The following FLT1 variants were observed in gnomAD, a reference collection of about 807,000 sequenced individuals.
FLT1 encodes fms related receptor tyrosine kinase 1.
A neutral mutation model predicts 156.3 loss-of-function variants in FLT1; 49 were observed. The ratio of observed to expected loss-of-function variants is 0.31; its 90% CI spans 0.25 to 0.40. The LOEUF (loss-of-function observed/expected upper bound fraction) is 0.40, where lower values mean the gene tolerates loss of function less well. Ranked by LOEUF, FLT1 falls within the 10% of genes least tolerant of loss-of-function variation. The pLI, the probability that FLT1 is intolerant of heterozygous loss-of-function variation, is 1.00. For synonymous variants in FLT1, 594 were observed against 583.8 expected, an observed-to-expected ratio of 1.02 and a Z score of -0.25; for missense variants, 1,322 against 1,637.2, an observed-to-expected ratio of 0.81 and a Z score of 3.32.
At chr13:28,376,264 TAAG>T (rs1490004888) in intron 14 of FLT1, among the ~76,000 whole-genome samples, 1 of 152,240 alleles carries the variant, frequency 6.6e-6, no homozygotes, top group African/African-American at 2.4e-5. Context: ...AGATTTCATT[TAAG>T]AAGGAGTATT....
chr13:28,412,395 T>TCTTTCCTTCTTTCTTC, intron 10 of FLT1, among the ~76,000 whole-genome samples: 1 of 148,100 alleles, frequency 6.8e-6, no homozygotes. Context: ...TTTCTTTCTT[T>TCTTTCCTTCTTTCTTC]CTTTCTTTCT....
intron 4 of FLT1, among the ~76,000 whole-genome samples, chr13:28,436,829 G>A (rs1378514572): frequency 6.6e-6 from 1 of 152,148 alleles, no homozygotes; most frequent in Non-Finnish European, 1.5e-5. Flanking sequence ...CCTGACTTAA[G>A]TTTTCTAACA....
Position 28,405,821 on chromosome 13 carries a change from T to C in FLT1, c.1510A>G (p.Ser504Gly). ...ADSNMGNRIE[S>G]ITQRMAIIEG... ...ATTATTGCCATGCGCTGAGTGATGC[T>C]CTCAATTCTGTTTCCCATGTTGCTG... Residue 504 changes from serine to glycine, a missense_variant, in exon 11 of 30, where the codon AGC becomes GGC. Around this residue, in one of 3 missense-constraint regions of FLT1, gnomAD observed 991 missense variants for 1,254.8 expected, o/e 0.79. Coordinates refer to ENST00000282397, the MANE Select transcript of FLT1 (RefSeq NM_002019.4). 2.5e-6 allele frequency: 4 copies of C among 1,609,724 alleles called. No homozygotes were observed. Among genetic ancestry groups the C allele is most frequent in the Middle Eastern group, 1.7e-4 (1 of 6,046 alleles).
intron 14 of FLT1, among the ~76,000 whole-genome samples, chr13:28,369,253 G>A (rs374770166): frequency 6.6e-5 from 10 of 152,146 alleles, no homozygotes; most frequent in African/African-American, 2.4e-4. Flanking sequence ...GGCCAGGCAC[G>A]GTGGCTCACG....
chr13:28,393,464 G>A (rs1874858259), intron 12 of FLT1, among the ~76,000 whole-genome samples: 1 of 152,202 alleles, frequency 6.6e-6, no homozygotes, highest in Non-Finnish European at 1.5e-5. Context: ...CTTGTTTCAA[G>A]TGGATGCTAT....
chr13:28,376,679 T>C (rs1873852424), intron 14 of FLT1, among the ~76,000 whole-genome samples: 1 of 152,234 alleles, frequency 6.6e-6, no homozygotes, highest in Admixed American at 6.5e-5. Context: ...AGTGCCACTG[T>C]GAAGAGGGTT....
At chr13:28,410,339 A>G (rs1206385205) in intron 10 of FLT1, among the ~76,000 whole-genome samples, 1 of 152,168 alleles carries the variant, frequency 6.6e-6, no homozygotes, top group Non-Finnish European at 1.5e-5. Flanking sequence ...TTTTCTTTGA[A>G]GTGGTTCTCT....
chr13:28,348,725 C>A (rs1872645008), intron 15 of FLT1, among the ~76,000 whole-genome samples: 1 of 152,058 alleles, frequency 6.6e-6, no homozygotes, highest in South Asian at 2.1e-4. Context: ...CCGGCTAATA[C>A]CGTGAAACCC....
intron 1 of FLT1, among the ~76,000 whole-genome samples, chr13:28,491,179 CT>C: frequency 6.6e-6 from 1 of 151,376 alleles, no homozygotes; most frequent in East Asian, 1.9e-4. Flanking sequence ...AACACATCAC[CT>C]TCAACTTCCA....
At chr13:28,406,850 C>A (rs909964681) in intron 10 of FLT1, among the ~76,000 whole-genome samples, 33 of 152,022 alleles carry the variant, frequency 2.2e-4, no homozygotes, top group African/African-American at 6.5e-4. Flanking sequence ...CAGCCAAGAG[C>A]AGGAATGACT....
chr13:28,338,618 C>T (rs182576854), intron 17 of FLT1, among the ~76,000 whole-genome samples: 1 of 152,162 alleles, frequency 6.6e-6, no homozygotes, highest in Non-Finnish European at 1.5e-5. Flanking sequence ...TCGGTCTGGA[C>T]ATTCCCAGGA....
chr13:28,316,358 C>T (rs1486084276), intron 25 of FLT1, among the ~76,000 whole-genome samples: 1 of 152,246 alleles, frequency 6.6e-6, no homozygotes, highest in Non-Finnish European at 1.5e-5. Flanking sequence ...GACAGGACCC[C>T]ATTGTGTGGG....
chr13:28,442,413 G>T (rs1432533218), intron 3 of FLT1, among the ~76,000 whole-genome samples: 2 of 152,112 alleles, frequency 1.3e-5, no homozygotes, highest in Admixed American at 1.3e-4. Flanking sequence ...CTAGACTAAT[G>T]AATACCAATC....
At chr13:28,483,559 G>C (rs1880977456) in intron 1 of FLT1, among the ~76,000 whole-genome samples, 1 of 152,166 alleles carries the variant, frequency 6.6e-6, no homozygotes, top group Non-Finnish European at 1.5e-5. Flanking sequence ...CAGTATTCTG[G>C]TTGAAAAAGT....
chr13:28,300,671 G>T lies in FLT1; in HGVS notation c.*2496C>A, dbSNP rs763565239. 3.9e-5 allele frequency: 9 copies of T among 232,764 alleles called. No homozygotes were observed. The highest frequency in any genetic ancestry group is 1.2e-3 in the Middle Eastern group (1 of 808). The allele number at this position is 232,764 out of a possible 1,614,324, so 14.4% of individuals were successfully genotyped here. On this transcript the variant is annotated 3_prime_UTR_variant, in exon 30 of 30. Coordinates refer to ENST00000282397, the MANE Select transcript of FLT1 (RefSeq NM_002019.4). Reference sequence around the variant, plus strand: ...TTGTGGGCTAGGAAACAAGGCACGGGTCCCTAAAATTAACATCTCGGTGTC... The same window carrying T: ...TTGTGGGCTAGGAAACAAGGCACGGTTCCCTAAAATTAACATCTCGGTGTC...
chr13:28,493,504 G>A (rs1881575290), intron 1 of FLT1, among the ~76,000 whole-genome samples: 1 of 151,900 alleles, frequency 6.6e-6, no homozygotes, highest in South Asian at 2.1e-4. Flanking sequence ...ACTGCTTTTT[G>A]GGTTTAACAA....
chr13:28,467,383 T>C, intron 2 of FLT1, 138 bp downstream of exon 2: 3 of 702,714 alleles, frequency 4.3e-6, no homozygotes, highest in Non-Finnish European at 7.6e-6. Flanking sequence ...TCCCCTTTCA[T>C]GGGAAGCTGG....
intron 15 of FLT1, among the ~76,000 whole-genome samples, chr13:28,356,262 G>A (rs1006108956): frequency 2.0e-5 from 3 of 152,212 alleles, no homozygotes; most frequent in Non-Finnish European, 2.9e-5. Context: ...CTGAGGATTA[G>A]TGAGGTCTCC....
intron 11 of FLT1, among the ~76,000 whole-genome samples, chr13:28,399,320 A>G (rs1356356094): frequency 1.3e-5 from 2 of 152,192 alleles, no homozygotes; most frequent in African/African-American, 4.8e-5. Context: ...CTCAGGAGAA[A>G]CTTACTTAGA....
Sources: allele counts gnomAD v4.1 joint callset (sites outside exome capture counted in the v4.1 genomes callset), GRCh38; gene constraint gnomAD v4.1.1; regional missense constraint gnomAD v4.1.1; transcripts MANE v1.5; gene names NCBI Gene and HGNC (gene_info 2026-07-23, HGNC 2026-07-21).